PTPRK: variants seen among roughly 807,000 people sequenced by gnomAD.
PTPRK encodes the protein receptor-type tyrosine-protein phosphatase kappa.
A neutral mutation model predicts 178.0 loss-of-function variants in PTPRK; 75 were observed. The ratio of observed to expected loss-of-function variants is 0.42; its 90% CI spans 0.35 to 0.51. The LOEUF (loss-of-function observed/expected upper bound fraction) is 0.51. PTPRK is among the 20% of genes least tolerant of loss of function. The probability of loss-of-function intolerance (pLI) is 0.02; values close to 1 mark genes in which losing one functional copy is unlikely to be tolerated. For synonymous variants in PTPRK, 637 were observed against 620.6 expected, an observed-to-expected ratio of 1.03 and a Z score of -0.39; for missense variants, 1,441 against 1,797.8, an observed-to-expected ratio of 0.80 and a Z score of 3.59.
intron 7 of PTPRK, among the ~76,000 whole-genome samples, chr6:128,170,328 A>G (rs1800050914): frequency 6.6e-6 from 1 of 152,020 alleles, no homozygotes; most frequent in Admixed American, 6.6e-5. Flanking sequence ...ATACTTATCC[A>G]TCAATAGATA....
intron 2 of PTPRK, among the ~76,000 whole-genome samples, chr6:128,351,489 TCA>T (rs949923522): frequency 1.3e-5 from 2 of 152,116 alleles, no homozygotes; most frequent in African/African-American, 4.8e-5. Flanking sequence ...ATACAGATCA[TCA>T]GTTTCTCATG....
intron 7 of PTPRK, among the ~76,000 whole-genome samples, chr6:128,156,391 T>C (rs995340759): frequency 2.6e-5 from 4 of 151,850 alleles, no homozygotes; most frequent in Non-Finnish European, 5.9e-5. Flanking sequence ...TTGCATAGGC[T>C]TAACAGGAAG....
intron 2 of PTPRK, among the ~76,000 whole-genome samples, chr6:128,343,490 A>C (rs1359175129): frequency 1.3e-5 from 2 of 150,362 alleles, no homozygotes; most frequent in Non-Finnish European, 3.0e-5. Context: ...ACAAGAGTGA[A>C]ACTCCATCTC....
At chr6:128,291,799 C>T (rs911683845) in intron 3 of PTPRK, among the ~76,000 whole-genome samples, 2 of 152,130 alleles carry the variant, frequency 1.3e-5, no homozygotes, top group South Asian at 2.1e-4. Flanking sequence ...ATTTCTCTTG[C>T]TCTGCCATTT....
At chr6:128,484,092 G>A (rs1852475423) in intron 1 of PTPRK, among the ~76,000 whole-genome samples, 1 of 151,684 alleles carries the variant, frequency 6.6e-6, no homozygotes, top group African/African-American at 2.4e-5. Flanking sequence ...ATAATTAACT[G>A]GTAAATCCTA....
chr6:128,140,515 C>A (rs1239673866), intron 7 of PTPRK, among the ~76,000 whole-genome samples: 2 of 151,852 alleles, frequency 1.3e-5, no homozygotes, highest in Non-Finnish European at 2.9e-5. Context: ...ATTCTTGCAA[C>A]AAAATTGATT....
chr6:128,186,924 C>T (rs944432483), intron 6 of PTPRK, among the ~76,000 whole-genome samples: 1 of 152,092 alleles, frequency 6.6e-6, no homozygotes, highest in East Asian at 1.9e-4. Flanking sequence ...ACTGAGTTGC[C>T]TCATATGTGC....
chr6:128,149,632 T>C (rs1273344071), intron 7 of PTPRK, among the ~76,000 whole-genome samples: 1 of 152,144 alleles, frequency 6.6e-6, no homozygotes, highest in Non-Finnish European at 1.5e-5. Context: ...AGGGTAGTTG[T>C]GAGAATTAAA....
At chr6:128,489,429 G>C (rs953544561) in intron 1 of PTPRK, among the ~76,000 whole-genome samples, 4 of 152,132 alleles carry the variant, frequency 2.6e-5, no homozygotes, top group Admixed American at 2.6e-4. Flanking sequence ...ATAATGGCTT[G>C]ATCCATGAGC....
intron 13 of PTPRK, among the ~76,000 whole-genome samples, chr6:128,032,598 A>G (rs1775527737): frequency 6.6e-6 from 1 of 152,242 alleles, no homozygotes; most frequent in Non-Finnish European, 1.5e-5. Context: ...TCAAGTAAAC[A>G]TCGCATATGA....
chr6:128,298,939 T>G (rs1200345852), intron 3 of PTPRK, among the ~76,000 whole-genome samples: 1 of 152,192 alleles, frequency 6.6e-6, no homozygotes, highest in Admixed American at 6.5e-5. Flanking sequence ...TGTCCCTGTT[T>G]GCAGACGACA....
intron 22 of PTPRK, among the ~76,000 whole-genome samples, 192 bp downstream of exon 22, chr6:127,985,529 T>C (rs553578436): frequency 1.3e-5 from 2 of 152,368 alleles, no homozygotes; most frequent in African/African-American, 2.4e-5. Flanking sequence ...GATGAATGTA[T>C]GTATTTCTTA....
At chr6:128,467,611 T>TA (rs1850041169) in intron 1 of PTPRK, among the ~76,000 whole-genome samples, 1 of 152,216 alleles carries the variant, frequency 6.6e-6, no homozygotes, top group African/African-American at 2.4e-5. Flanking sequence ...GGTGATCACT[T>TA]ACTTCTCTTC....
At chr6:128,488,501 T>C (rs1167199598) in intron 1 of PTPRK, among the ~76,000 whole-genome samples, 5 of 152,184 alleles carry the variant, frequency 3.3e-5, no homozygotes, top group Admixed American at 1.3e-4. Flanking sequence ...GAATGGAGAA[T>C]AGATACTGGG....
chr6:128,396,329 T>C, intron 2 of PTPRK, among the ~76,000 whole-genome samples: 1 of 148,552 alleles, frequency 6.7e-6, no homozygotes, highest in Admixed American at 6.7e-5. Context: ...TATAATAGCA[T>C]AATGATAATA....
intron 3 of PTPRK, among the ~76,000 whole-genome samples, chr6:128,245,892 G>A (rs58652879): frequency 0.064 from 9,751 of 152,142 alleles, 819 homozygotes; most frequent in African/African-American, 0.2. Flanking sequence ...TATACTCCAA[G>A]CCCTCTTGTT....
At chr6:128,303,499 C>T (rs1825942046) in intron 3 of PTPRK, among the ~76,000 whole-genome samples, 1 of 152,180 alleles carries the variant, frequency 6.6e-6, no homozygotes, top group Non-Finnish European at 1.5e-5. Flanking sequence ...CTATATTTCT[C>T]ATCAGTTCTC....
intron 27 of PTPRK, among the ~76,000 whole-genome samples, chr6:127,976,330 T>C (rs773205972): frequency 6.6e-6 from 1 of 152,204 alleles, no homozygotes; most frequent in Non-Finnish European, 1.5e-5. Context: ...TGGATGTCAA[T>C]ACTAATAAAA....
chr6:128,057,389 G>T (rs988070466), intron 13 of PTPRK, among the ~76,000 whole-genome samples: 2 of 152,190 alleles, frequency 1.3e-5, no homozygotes, highest in Admixed American at 6.5e-5. Flanking sequence ...TCCCTGAGAA[G>T]AGTGGTTCAT....
Sources: gnomAD v4.1 joint callset for allele counts (sites outside exome capture counted in the v4.1 genomes callset) on GRCh38, gnomAD v4.1.1 for gene constraint, MANE v1.5 for transcripts, NCBI Gene and HGNC (gene_info 2026-07-23, HGNC 2026-07-21) for gene names.